The following TRAF3IP3 variants were observed in gnomAD, a reference collection of about 807,000 sequenced individuals.
TRAF3IP3 encodes TRAF3 interacting protein 3.
Under a neutral mutation model 86.5 loss-of-function variants are expected in TRAF3IP3, and 64 were observed. The observed-to-expected ratio is 0.74, with a 90% CI of 0.60 to 0.91. TRAF3IP3 has a LOEUF of 0.91. Ranked by LOEUF, TRAF3IP3 falls within the 40% of genes least tolerant of loss-of-function variation. The probability of loss-of-function intolerance (pLI) is 0.00; values close to 1 mark genes in which losing one functional copy is unlikely to be tolerated. For missense variants in TRAF3IP3, 579 were observed against 642.9 expected (o/e 0.90, Z 1.07); for synonymous variants, 220 against 243.9 (o/e 0.90, Z 0.91).
intron 9 of TRAF3IP3, among the ~76,000 whole-genome samples, chr1:209,774,475 G>A (rs995058896): frequency 1.3e-5 from 2 of 152,206 alleles, no homozygotes; most frequent in African/African-American, 4.8e-5. Context: ...TGGGATGGGG[G>A]TAGTTGGTCA....
intron 8 of TRAF3IP3, among the ~76,000 whole-genome samples, chr1:209,767,101 C>G (rs1314792689): frequency 2.0e-5 from 3 of 152,090 alleles, no homozygotes; most frequent in Non-Finnish European, 4.4e-5. Flanking sequence ...TCAGACAGGT[C>G]TTTAGAATTA....
intron 8 of TRAF3IP3, chr1:209,768,541 C>T (rs866962661): frequency 2.5e-5 from 25 of 985,576 alleles, no homozygotes; most frequent in African/African-American, 1.6e-4. Flanking sequence ...TCTACTAGAG[C>T]AGAGAGATGA....
rs1355670983 is a variant in TRAF3IP3 at position 209,778,139 on chromosome 1, A to G, written c.1218A>G (p.Lys406=). The G allele has an allele frequency of 1.2e-6, 2 of 1,613,826 alleles. No individual in the cohort carries two copies. Among genetic ancestry groups the G allele is most frequent in the African/African-American group, 2.7e-5 (2 of 74,854 alleles). ...AACTAAAAAGGTCAGAGGCAGAGAAACTCACCCTGGTGACCAGAGTACAGC... is the reference window on the plus strand; with the variant it reads ...AACTAAAAAGGTCAGAGGCAGAGAAGCTCACCCTGGTGACCAGAGTACAGC... ...QDQLKRSEAE[K]LTLVTRVQQL... Residue 406 remains lysine, a synonymous_variant, in exon 13 of 17, where the codon AAA becomes AAG. Coordinates refer to ENST00000367025, the MANE Select transcript of TRAF3IP3 (RefSeq NM_025228.4).
At chr1:209,780,990 A>C in intron 15 of TRAF3IP3, 1 of 192,000 alleles carries the variant, frequency 5.2e-6, no homozygotes. Context: ...ATTGATATGC[A>C]ACTAGCTCCT....
At chr1:209,763,133 A>G (rs1289917176) in intron 6 of TRAF3IP3, 41 bp downstream of exon 6, 1 of 1,597,044 alleles carries the variant, frequency 6.3e-7, no homozygotes, top group Admixed American at 1.7e-5. Context: ...ATCAGAAAGT[A>G]TTAAGCTCTG....
At chr1:209,778,040 T>C in intron 12 of TRAF3IP3, 71 bp from the exon 13 acceptor site, 1 of 1,345,784 alleles carries the variant, frequency 7.4e-7, no homozygotes, top group Non-Finnish European at 1.1e-6. Flanking sequence ...CTATTACTAA[T>C]TTCCATCCTA....
intron 8 of TRAF3IP3, among the ~76,000 whole-genome samples, chr1:209,767,215 T>A (rs11119340): frequency 0.18 from 26,688 of 152,084 alleles, 2,606 homozygotes; most frequent in Non-Finnish European, 0.21. Context: ...AAATCAGAGA[T>A]CCTTTAGAAT....
chr1:209,768,544 A>C lies in TRAF3IP3; in HGVS notation c.703-4404A>C, dbSNP rs368381878. ...CCCTAAGCAACCTCTACTAGAGCAG[A>C]GAGATGAGCTGTGGGCTGGTGCTTC... On this transcript the variant is annotated intron_variant, in intron 8 of 16. Coordinates refer to ENST00000367025, the MANE Select transcript of TRAF3IP3 (RefSeq NM_025228.4). The C allele has an allele frequency of 5.1e-6, 5 of 985,582 alleles. No individual in the cohort carries two copies. In the East Asian group the frequency reaches 3.4e-4, roughly 67 times the overall value. 61.1% of individuals were successfully genotyped at this position (985,582 alleles called of 1,614,324 possible). A position where few individuals can be genotyped will look rare whatever the true frequency, so the allele number is the denominator to read the frequency against.
At chr1:209,771,976 G>C (rs2077550263) in intron 8 of TRAF3IP3, among the ~76,000 whole-genome samples, 2 of 147,068 alleles carry the variant, frequency 1.4e-5, no homozygotes, top group Admixed American at 1.4e-4. Context: ...TGTGCAGGTG[G>C]AGGTACGTGT....
intron 15 of TRAF3IP3, chr1:209,781,040 G>T: frequency 4.3e-6 from 1 of 232,770 alleles, no homozygotes; most frequent in Non-Finnish European, 8.6e-6. Context: ...TAGGTCGTTT[G>T]TTCTATAAGA....
chr1:209,773,231 A>G, intron 9 of TRAF3IP3, among the ~76,000 whole-genome samples: 1 of 152,156 alleles, frequency 6.6e-6, no homozygotes, highest in East Asian at 1.9e-4. Context: ...TTCTCCCAGT[A>G]TCCTTCTCTT....
intron 9 of TRAF3IP3, 118 bp downstream of exon 9, chr1:209,773,137 C>T: frequency 1.2e-6 from 1 of 835,126 alleles, no homozygotes; most frequent in Non-Finnish European, 1.8e-6. Context: ...CACACCCATT[C>T]CTACTTACCC....
At position 209,775,668 on chromosome 1, in the gene TRAF3IP3, T is replaced by C; in HGVS notation, c.985T>C (p.Trp329Arg). The change falls in exon 11 of 17, where the codon TGG (tryptophan) becomes CGG (arginine). Residue 329 changes from tryptophan to arginine, a missense_variant. Coordinates refer to ENST00000367025, the MANE Select transcript of TRAF3IP3 (RefSeq NM_025228.4). ...CCAGTATGAGGCTCTGAAGGAGGAC[T>C]GGAGGACCCTTGGGACCCAGCACAG... is the stretch of plus-strand genomic sequence containing the variant. ...RSQYEALKED[W>R]RTLGTQHREL... 1.2e-6 allele frequency: 2 copies of C among 1,614,086 alleles called. No individual in the cohort carries two copies. The highest frequency in any genetic ancestry group is 1.7e-6 in the Non-Finnish European group (2 of 1,180,024).
intron 3 of TRAF3IP3, among the ~76,000 whole-genome samples, chr1:209,761,012 CAT>C (rs771035249): frequency 2.0e-5 from 3 of 152,184 alleles, no homozygotes; most frequent in Non-Finnish European, 2.9e-5. Flanking sequence ...GCAATATACA[CAT>C]GTCTTCTACA....
Position 209,775,756 on chromosome 1 carries a change from G to C in TRAF3IP3, c.1053+20G>C. On this transcript the variant is annotated intron_variant, in intron 11 of 16. Transcript: ENST00000367025. ...CTGCAGGTACCAGGCACTGGGGGTG[G>C]GGAGGGAAGACAGGGTATGGGGAGG... The C allele has an allele frequency of 6.3e-7, 1 of 1,599,352 alleles. No individual in the cohort carries two copies. The highest frequency in any genetic ancestry group is 8.5e-7 in the Non-Finnish European group (1 of 1,172,682).
intron 8 of TRAF3IP3, among the ~76,000 whole-genome samples, chr1:209,765,290 A>G (rs112802365): frequency 0.012 from 1,038 of 87,824 alleles, 24 homozygotes; most frequent in African/African-American, 0.03. Flanking sequence ...AGGAAGGAAG[A>G]AATTAAGATA....
intron 8 of TRAF3IP3, among the ~76,000 whole-genome samples, chr1:209,765,266 GAAGGAAGGAAGGAAGGAAGGAAGA>G (rs1488116205): frequency 2.0e-4 from 30 of 147,484 alleles, no homozygotes; most frequent in East Asian, 6.0e-4. Flanking sequence ...AGGAAGGAAG[GAAGGAAGGAAGGAAGGAAGGAAGA>G]AATTAAGATA....
At chr1:209,766,939 C>A (rs2077368433) in intron 8 of TRAF3IP3, among the ~76,000 whole-genome samples, 1 of 152,056 alleles carries the variant, frequency 6.6e-6, no homozygotes, top group Non-Finnish European at 1.5e-5. Flanking sequence ...AGTAGAGAAG[C>A]AAGAGTGATG....
intron 6 of TRAF3IP3, 104 bp from the exon 7 acceptor site, chr1:209,763,259 C>A: frequency 6.9e-7 from 1 of 1,444,222 alleles, no homozygotes; most frequent in South Asian, 1.2e-5. Context: ...AGAGCCAAAG[C>A]AGAAGAGGTT....
Sources: allele counts gnomAD v4.1 joint callset (sites outside exome capture counted in the v4.1 genomes callset), GRCh38; gene constraint gnomAD v4.1.1; transcripts MANE v1.5; gene names NCBI Gene and HGNC (gene_info 2026-07-23, HGNC 2026-07-21).